The following RIMS2 variants were observed in gnomAD, a reference collection of about 807,000 sequenced individuals.
The protein encoded by RIMS2 is regulating synaptic membrane exocytosis protein 2.
A neutral mutation model predicts 174.4 loss-of-function variants in RIMS2; 59 were observed. That is an observed-to-expected ratio of 0.34 (90% CI 0.27 to 0.42). RIMS2 has a LOEUF of 0.42. Ranked by LOEUF, RIMS2 falls within the 10% of genes least tolerant of loss-of-function variation. The probability of loss-of-function intolerance (pLI) is 1.00; values close to 1 mark genes in which losing one functional copy is unlikely to be tolerated. For missense variants in RIMS2, 1,620 were observed against 1,666.3 expected (o/e 0.97, Z 0.48); for synonymous variants, 606 against 572.5 (o/e 1.06, Z -0.84).
At chr8:103,855,204 G>A (rs2099021263) in intron 3 of RIMS2, among the ~76,000 whole-genome samples, 1 of 151,722 alleles carries the variant, frequency 6.6e-6, no homozygotes, top group Non-Finnish European at 1.5e-5. Context: ...CAGTTTTAAT[G>A]TCATCTTTAT....
chr8:104,168,356 T>C (rs974885756), intron 19 of RIMS2, among the ~76,000 whole-genome samples: 11 of 152,144 alleles, frequency 7.2e-5, no homozygotes, highest in African/African-American at 2.4e-4. Flanking sequence ...GTTTTGTAGT[T>C]TTCCTTGTAG....
chr8:104,246,222 C>T (rs1588187070), intron 20 of RIMS2, among the ~76,000 whole-genome samples: 1 of 152,100 alleles, frequency 6.6e-6, no homozygotes, highest in Non-Finnish European at 1.5e-5. Flanking sequence ...CTGTGCTGTA[C>T]GTTGGGGATG....
At chr8:103,619,194 A>G (rs1487109998) in intron 1 of RIMS2, among the ~76,000 whole-genome samples, 3 of 152,010 alleles carry the variant, frequency 2.0e-5, no homozygotes, top group Non-Finnish European at 4.4e-5. Context: ...TATGGCAAGA[A>G]ATATATGAAG....
At chr8:104,074,274 AGTGGACTCTGCCTGG>A (rs1381866589) in intron 19 of RIMS2, among the ~76,000 whole-genome samples, 1 of 152,162 alleles carries the variant, frequency 6.6e-6, no homozygotes, top group Non-Finnish European at 1.5e-5. Flanking sequence ...CCTGGGGTCA[AGTGGACTCTGCCTGG>A]GTGGCTTGGG....
intron 1 of RIMS2, among the ~76,000 whole-genome samples, chr8:103,586,317 A>C (rs999085529): frequency 1.3e-5 from 2 of 152,224 alleles, no homozygotes; most frequent in African/African-American, 2.4e-5. Flanking sequence ...CAGCATATGG[A>C]TCATTCTCAA....
intron 2 of RIMS2, among the ~76,000 whole-genome samples, chr8:103,745,741 A>G (rs1302218914): frequency 6.6e-6 from 1 of 152,134 alleles, no homozygotes. Context: ...ATTACTTCTT[A>G]TGCTTTTTGG....
chr8:103,881,053 A>G (rs1239521199), intron 3 of RIMS2, among the ~76,000 whole-genome samples: 2 of 151,446 alleles, frequency 1.3e-5, no homozygotes, highest in South Asian at 2.1e-4. Context: ...AGTGATTTAC[A>G]TATTTTTATT....
chr8:104,234,133 G>A (rs2099246410), intron 19 of RIMS2, among the ~76,000 whole-genome samples: 1 of 152,084 alleles, frequency 6.6e-6, no homozygotes, highest in South Asian at 2.1e-4. Context: ...ACTACGTGTT[G>A]TATACTCTAT....
At chr8:103,652,520 G>A in intron 1 of RIMS2, 104 bp from the exon 3 acceptor site, 1 of 539,486 alleles carries the variant, frequency 1.9e-6, no homozygotes, top group Non-Finnish European at 3.2e-6. Flanking sequence ...ATTACCATTG[G>A]CTGTAGCTTT....
At position 104,249,473 on chromosome 8, in the gene RIMS2, C is replaced by G; in HGVS notation, c.3590-14C>G. The G allele has an allele frequency of 1.4e-6, 2 of 1,457,476 alleles. No homozygotes were observed. The highest frequency in any genetic ancestry group is 1.9e-6 in the Non-Finnish European group (2 of 1,038,700). The allele number at this position is 1,457,476 out of a possible 1,614,324, so 90.3% of individuals were successfully genotyped here. Reference sequence around the variant, plus strand: ...GTATATTAAAGCACATTTGTTCCTTCCTTCTTCCATTAGGTGACATTCAGG... The same window carrying G: ...GTATATTAAAGCACATTTGTTCCTTGCTTCTTCCATTAGGTGACATTCAGG... On this transcript the variant is annotated splice_polypyrimidine_tract_variant and intron_variant, in intron 21 of 23. Transcript: ENST00000504942.
At chr8:103,874,297 A>G (rs2099125452) in intron 3 of RIMS2, among the ~76,000 whole-genome samples, 1 of 152,034 alleles carries the variant, frequency 6.6e-6, no homozygotes, top group Non-Finnish European at 1.5e-5. Context: ...CTGAACAGAA[A>G]TGGTACATTC....
chr8:104,183,385 AT>A (rs1476529575), intron 19 of RIMS2, among the ~76,000 whole-genome samples: 3 of 151,192 alleles, frequency 2.0e-5, no homozygotes, highest in Non-Finnish European at 3.0e-5. Context: ...TGTTTTTTCC[AT>A]TTTTCTTTAT....
chr8:104,021,614 A>ACTG (rs1380833624), intron 19 of RIMS2, among the ~76,000 whole-genome samples: 1 of 152,236 alleles, frequency 6.6e-6, no homozygotes, highest in Non-Finnish European at 1.5e-5. Flanking sequence ...ATTTTAACTA[A>ACTG]CTGAGGAAGT....
intron 19 of RIMS2, among the ~76,000 whole-genome samples, chr8:104,198,914 A>T (rs2136872942): frequency 6.6e-6 from 1 of 152,340 alleles, no homozygotes; most frequent in African/African-American, 2.4e-5. Flanking sequence ...TTTACATGGC[A>T]GGGGAACTTT....
chr8:103,721,787 G>A (rs2097452228), intron 2 of RIMS2, among the ~76,000 whole-genome samples: 1 of 152,150 alleles, frequency 6.6e-6, no homozygotes, highest in Admixed American at 6.5e-5. Flanking sequence ...AATACCATCA[G>A]TGAGAGTTTA....
At chr8:104,230,411 C>T (rs1440707273) in intron 19 of RIMS2, among the ~76,000 whole-genome samples, 1 of 151,994 alleles carries the variant, frequency 6.6e-6, no homozygotes, top group Non-Finnish European at 1.5e-5. Flanking sequence ...TTTGGGAGGC[C>T]GAGCCAGGTG....
chr8:103,611,879 T>C (rs2095379001), intron 1 of RIMS2, among the ~76,000 whole-genome samples: 1 of 152,166 alleles, frequency 6.6e-6, no homozygotes, highest in Non-Finnish European at 1.5e-5. Context: ...TATATCTCTT[T>C]CTCTACCTCT....
intron 2 of RIMS2, among the ~76,000 whole-genome samples, chr8:103,732,978 C>G (rs1431386858): frequency 3.9e-5 from 6 of 152,158 alleles, no homozygotes. Context: ...TTACTCTTCC[C>G]TTTTCTTTTC....
chr8:103,593,129 A>C (rs902788466), intron 1 of RIMS2, among the ~76,000 whole-genome samples: 1 of 151,540 alleles, frequency 6.6e-6, no homozygotes, highest in Non-Finnish European at 1.5e-5. Flanking sequence ...TTTGTTGCCA[A>C]TGATAACATT....
Sources: allele counts gnomAD v4.1 joint callset (sites outside exome capture counted in the v4.1 genomes callset), GRCh38; gene constraint gnomAD v4.1.1; transcripts MANE v1.5; gene names NCBI Gene and HGNC (gene_info 2026-07-23, HGNC 2026-07-21).